EPAS1: variants seen among roughly 807,000 people sequenced by gnomAD.
EPAS1 encodes endothelial PAS domain protein 1.
EPAS1 carries 23 observed loss-of-function variants against 87.9 expected under a neutral mutation model. That is an observed-to-expected ratio of 0.26 (90% confidence interval 0.19 to 0.37). The LOEUF (loss-of-function observed/expected upper bound fraction) is 0.37, where lower values mean the gene tolerates loss of function less well. Ranked by LOEUF, EPAS1 falls within the 10% of genes least tolerant of loss-of-function variation. The probability of loss-of-function intolerance (pLI) is 1.00; values close to 1 mark genes in which losing one functional copy is unlikely to be tolerated. For missense variants in EPAS1, 1,138 were observed against 1,120.7 expected (o/e 1.02, Z -0.22); for synonymous variants, 508 against 444.3 (o/e 1.14, Z -1.80).
chr2:46,385,310 G>A lies in EPAS1; in HGVS notation c.*650G>A, dbSNP rs1397883304. Reference sequence around the variant, plus strand: ...GCACAGCGTGGCTTTTCCTAAACTGGTGTTTTTCCCCCGCATTTGGTGGAT... The same window carrying A: ...GCACAGCGTGGCTTTTCCTAAACTGATGTTTTTCCCCCGCATTTGGTGGAT... On this transcript the variant is annotated 3_prime_UTR_variant, in exon 16 of 16. Transcript: ENST00000263734. 1.3e-5 allele frequency: 2 copies of A among 152,574 alleles called. No individual in the cohort carries two copies. Among genetic ancestry groups the A allele is most frequent in the African/African-American group, 2.4e-5 (1 of 41,406 alleles). 9.5% of individuals were successfully genotyped at this position (152,574 alleles called of 1,614,324 possible).
At chr2:46,335,197 T>C (rs1194761197) in intron 1 of EPAS1, among the ~76,000 whole-genome samples, 1 of 152,170 alleles carries the variant, frequency 6.6e-6, no homozygotes, top group South Asian at 2.1e-4. Flanking sequence ...TCTGGCAACA[T>C]GTTGGGATTA....
chr2:46,375,710 G>T lies in EPAS1; in HGVS notation c.907G>T (p.Val303Leu). 3 of 1,614,178 alleles carry T rather than the reference G, an allele frequency of 1.9e-6. No individual in the cohort carries two copies. The highest frequency in any genetic ancestry group is 1.1e-5 in the South Asian group (1 of 91,082). The change falls in exon 8 of 16, where the codon GTA becomes TTA. Residue 303 changes from valine (V) to leucine (L), a missense_variant. Val to Leu is a conservative substitution (Grantham distance 32). This residue lies in a region of EPAS1 where 351 missense variants were observed against 417.1 expected (regional missense o/e 0.84). Transcript: ENST00000263734. The surrounding 1 kb of genome is among the most constrained non-coding windows in gnomAD (Gnocchi z 4.1). ...CCTAGTGTGCACCAAGGGTCAGGTA[G>T]TAAGTGGCCAGTACCGGATGCTCGC... Reference protein sequence around the residue: ...HQNLCTKGQVVSGQYRMLAKH... With the variant: ...HQNLCTKGQVLSGQYRMLAKH...
At chr2:46,350,763 G>A (rs994187115) in intron 2 of EPAS1, among the ~76,000 whole-genome samples, 9 of 152,296 alleles carry the variant, frequency 5.9e-5, no homozygotes, top group African/African-American at 2.2e-4. Context: ...CATACATGGC[G>A]AAATCAAATT....
rs1047562310 is a variant in EPAS1, at chr2:46,386,679, T to C, written c.*2019T>C. 2 of 152,702 alleles carry C rather than the reference T, an allele frequency of 1.3e-5. No homozygotes were observed. The highest frequency in any genetic ancestry group is 1.9e-4 in the East Asian group (1 of 5,206). 9.5% of individuals were successfully genotyped at this position (152,702 alleles called of 1,614,324 possible). On this transcript the variant is annotated 3_prime_UTR_variant, in exon 16 of 16. Transcript: ENST00000263734. ...AATGTATTTTGACACTGGTATCTTA[T>C]TAAAGTATTCTGATCCTACCACTGC...
chr2:46,343,335 G>A (rs1171502698), intron 1 of EPAS1, among the ~76,000 whole-genome samples: 1 of 152,180 alleles, frequency 6.6e-6, no homozygotes, highest in Admixed American at 6.5e-5. Flanking sequence ...ATTTAAAAAA[G>A]TATTAGCCCT....
At chr2:46,314,951 T>G (rs1553389610) in intron 1 of EPAS1, among the ~76,000 whole-genome samples, 1 of 152,018 alleles carries the variant, frequency 6.6e-6, no homozygotes, top group Non-Finnish European at 1.5e-5. Flanking sequence ...GGGTAGTGTC[T>G]CCATCTCCTG....
chr2:46,364,426 C>G (rs1332070104), intron 6 of EPAS1, among the ~76,000 whole-genome samples: 1 of 152,036 alleles, frequency 6.6e-6, no homozygotes, highest in African/African-American at 2.4e-5. Context: ...TGAAAACCGA[C>G]AGGAAAGAAG....
At position 46,346,664 on chromosome 2, in the gene EPAS1, A is replaced by G. The variant is rs1271818699; in HGVS notation, c.27-209A>G. ...CCTCCACAGGGAATGCAAGAGGAGGACTTTGGTTGTGAAGACACCAACACA... is the reference window on the plus strand; with the variant it reads ...CCTCCACAGGGAATGCAAGAGGAGGGCTTTGGTTGTGAAGACACCAACACA... On this transcript the variant is annotated intron_variant, in intron 1 of 15. Coordinates refer to ENST00000263734, the MANE Select transcript of EPAS1 (RefSeq NM_001430.5). This position sits in a 1 kb window ranked among gnomAD's most constrained non-coding sequence, Gnocchi z 4.0. Among the ~76,000 whole-genome samples the G allele has an allele frequency of 6.6e-6, 1 of 152,218 alleles. No homozygotes were observed. The highest frequency in any genetic ancestry group is 1.5e-5 in the Non-Finnish European group (1 of 68,050).
Position 46,375,934 on chromosome 2 carries a change from C to G in EPAS1, c.1034+97C>G. ...GACAGGCCTAGGAGATGCCAGGCCT[C>G]TCAGCGCCCTGGGCACCACCTCAGG... On this transcript the variant is annotated intron_variant, in intron 8 of 15. Coordinates refer to ENST00000263734, the MANE Select transcript of EPAS1 (RefSeq NM_001430.5). The surrounding 1 kb of genome is among the most constrained non-coding windows in gnomAD (Gnocchi z 4.1). The G allele has an allele frequency of 7.8e-6, 12 of 1,531,164 alleles. No homozygotes were observed. The highest frequency in any genetic ancestry group is 1.1e-5 in the Non-Finnish European group (12 of 1,108,188). 94.8% of individuals were successfully genotyped at this position (1,531,164 alleles called of 1,614,324 possible).
intron 1 of EPAS1, among the ~76,000 whole-genome samples, chr2:46,310,233 T>C (rs1443857550): frequency 1.3e-5 from 2 of 152,136 alleles, no homozygotes; most frequent in Non-Finnish European, 2.9e-5. Context: ...CCCTCATTAT[T>C]TGATAAGGTT....
At position 46,347,638 on chromosome 2, in the gene EPAS1, T is replaced by G. The variant is rs1343456972; in HGVS notation, c.217+575T>G. On this transcript the variant is annotated intron_variant, in intron 2 of 15. Coordinates refer to ENST00000263734, the MANE Select transcript of EPAS1 (RefSeq NM_001430.5). This position sits in a 1 kb window ranked among gnomAD's most constrained non-coding sequence, Gnocchi z 4.2. ...ATGTCCATAAAGCACCTGGCCTGGC[T>G]GAGCTCACTCACACTGGGGAGTCCT... The G allele has an allele frequency of 1.8e-5, 3 of 168,072 alleles. No homozygotes were observed. Among genetic ancestry groups the G allele is most frequent in the Non-Finnish European group, 3.9e-5 (3 of 76,420 alleles). The allele number at this position is 168,072 out of a possible 1,614,324, so 10.4% of individuals were successfully genotyped here. A position where few individuals can be genotyped will look rare whatever the true frequency, so the allele number is the denominator to read the frequency against.
intron 1 of EPAS1, among the ~76,000 whole-genome samples, chr2:46,323,778 A>G (rs957507174): frequency 6.6e-5 from 10 of 152,332 alleles, no homozygotes; most frequent in Middle Eastern, 3.4e-3. Context: ...TATTGCCACT[A>G]TTATGCCCCT....
Position 46,300,287 on chromosome 2 carries a change from A to C in EPAS1, c.26+2350A>C, listed in dbSNP as rs995044369. Among the ~76,000 whole-genome samples, 1 of 152,204 alleles carries C rather than the reference A, an allele frequency of 6.6e-6. No individual in the cohort carries two copies. The highest frequency in any genetic ancestry group is 2.4e-5 in the African/African-American group (1 of 41,432). ...GTGACAGTGAGGGGGCTCTCTGCTGATGATTCTGCCCACTAGTTCTTACAT... is the reference window on the plus strand; with the variant it reads ...GTGACAGTGAGGGGGCTCTCTGCTGCTGATTCTGCCCACTAGTTCTTACAT... On this transcript the variant is annotated intron_variant, in intron 1 of 15. Transcript: ENST00000263734. This position sits in a 1 kb window ranked among gnomAD's most constrained non-coding sequence, Gnocchi z 4.1.
chr2:46,382,608 C>T lies in EPAS1; in HGVS notation c.2461+10C>T. On this transcript the variant is annotated intron_variant, in intron 15 of 15. Transcript: ENST00000263734. Reference sequence around the variant, plus strand: ...GCCCACAAGGTGTCAGGTGGGTGTGCCCAGGATCTGTCACCCCCATCCCAG... The same window carrying T: ...GCCCACAAGGTGTCAGGTGGGTGTGTCCAGGATCTGTCACCCCCATCCCAG... 6.2e-7 allele frequency: 1 copy of T among 1,613,982 alleles called. No individual in the cohort carries two copies. The highest frequency in any genetic ancestry group is 8.5e-7 in the Non-Finnish European group (1 of 1,180,004).
intron 2 of EPAS1, among the ~76,000 whole-genome samples, chr2:46,351,953 C>G (rs1251797444): frequency 6.6e-6 from 1 of 152,172 alleles, no homozygotes; most frequent in Admixed American, 6.5e-5. Context: ...GAGCGTTGCT[C>G]CGGAAAAAGT....
At chr2:46,313,287 C>T (rs2104843455) in intron 1 of EPAS1, among the ~76,000 whole-genome samples, 1 of 152,218 alleles carries the variant, frequency 6.6e-6, no homozygotes, top group Middle Eastern at 3.4e-3. Flanking sequence ...CTTGCTCATC[C>T]CTCAGCCCCA....
intron 1 of EPAS1, among the ~76,000 whole-genome samples, chr2:46,305,757 C>G (rs1476870950): frequency 6.6e-6 from 1 of 152,080 alleles, no homozygotes; most frequent in African/African-American, 2.4e-5. Context: ...ATTAAAAAAA[C>G]TAAGAGATAA....
At chr2:46,374,180 G>GC (rs1684684287) in intron 7 of EPAS1, among the ~76,000 whole-genome samples, 1 of 152,204 alleles carries the variant, frequency 6.6e-6, no homozygotes, top group Non-Finnish European at 1.5e-5. Context: ...TTACCAAACT[G>GC]CACTAGTATG....
At position 46,376,596 on chromosome 2, in the gene EPAS1, G is replaced by A. The variant is rs1684753038; in HGVS notation, c.1092G>A (p.Lys364=). The A allele has an allele frequency of 1.2e-6, 2 of 1,614,146 alleles. No homozygotes were observed. The highest frequency in any genetic ancestry group is 1.7e-6 in the Non-Finnish European group (2 of 1,180,030). Residue 364 remains lysine, a synonymous_variant, in exon 9 of 16, where the codon AAG becomes AAA. Transcript: ENST00000263734. ...FSMDQTESLF[K]PHLMAMNSIF... is the part of the protein sequence containing the mutation. The stretch of plus-strand genomic sequence containing the variant: ...TGGACCAGACTGAATCCCTGTTCAA[G>A]CCCCACCTGATGGCCATGAACAGCA...
Sources: allele counts gnomAD v4.1 joint callset (sites outside exome capture counted in the v4.1 genomes callset), GRCh38; gene constraint gnomAD v4.1.1; regional missense constraint gnomAD v4.1.1; non-coding constraint Gnocchi (gnomAD v3.1); transcripts MANE v1.5; gene names NCBI Gene and HGNC (gene_info 2026-07-23, HGNC 2026-07-21).